Variants in PITPNC1 observed in about 807,000 individuals in gnomAD.
The protein encoded by PITPNC1 is cytoplasmic phosphatidylinositol transfer protein 1.
A neutral mutation model predicts 44.7 loss-of-function variants in PITPNC1; 18 were observed. The observed-to-expected ratio is 0.40, with a 90% CI of 0.28 to 0.60. The LOEUF (loss-of-function observed/expected upper bound fraction) is 0.60. Ranked by LOEUF, PITPNC1 falls within the 20% of genes least tolerant of loss-of-function variation. The pLI, the probability that PITPNC1 is intolerant of heterozygous loss-of-function variation, is 0.39. For missense variants in PITPNC1, 290 were observed against 418.4 expected, an observed-to-expected ratio of 0.69 and a Z score of 2.68; for synonymous variants, 141 against 149.6, an observed-to-expected ratio of 0.94 and a Z score of 0.42.
At chr17:67,471,249 A>C (rs1462614814) in intron 1 of PITPNC1, among the ~76,000 whole-genome samples, 3 of 150,850 alleles carry the variant, frequency 2.0e-5, no homozygotes, top group Non-Finnish European at 4.4e-5. Context: ...GTAAAAAAAA[A>C]AAAAAAAGAA....
At chr17:67,608,022 C>T (rs920574585) in intron 5 of PITPNC1, among the ~76,000 whole-genome samples, 2 of 151,922 alleles carry the variant, frequency 1.3e-5, no homozygotes, top group Non-Finnish European at 2.9e-5. Flanking sequence ...GAGCCACCGG[C>T]CCCGGCCTGA....
In PITPNC1 at chr17:67,636,935, G is replaced by A. The variant is rs369758044; in HGVS notation, c.462+4697G>A. On this transcript the variant is annotated intron_variant, in intron 6 of 8. Coordinates refer to ENST00000581322, the MANE Select transcript of PITPNC1 (RefSeq NM_012417.4). ...GTTCTTTGCTTGAAACCCCTCACTG[G>A]CCCTCCTTTAGAGTTCAGCTCACAC... is the stretch of plus-strand genomic sequence containing the variant. Among the ~76,000 whole-genome samples the A allele has an allele frequency of 2.1e-4, 32 of 152,144 alleles. No homozygotes were observed. The East Asian group carries it at 2.3e-3, about 11-fold the overall frequency.
At chr17:67,440,498 T>TTTTA (rs59003947) in intron 1 of PITPNC1, among the ~76,000 whole-genome samples, 1,799 of 137,620 alleles carry the variant, frequency 0.013, 17 homozygotes, top group South Asian at 0.026. Flanking sequence ...TTGCAAGACT[T>TTTTA]TTTATTTATT....
chr17:67,422,856 G>T (rs1441736898), intron 1 of PITPNC1, among the ~76,000 whole-genome samples: 1 of 152,134 alleles, frequency 6.6e-6, no homozygotes, highest in African/African-American at 2.4e-5. Context: ...CTCAAACAAT[G>T]TCTAGTTTGC....
At chr17:67,661,355 C>T (rs2144386472) in intron 6 of PITPNC1, among the ~76,000 whole-genome samples, 1 of 152,210 alleles carries the variant, frequency 6.6e-6, no homozygotes, top group East Asian at 1.9e-4. Context: ...TCTTTTCCTT[C>T]CCCCTTCCCA....
chr17:67,398,897 T>G (rs1480943541), intron 1 of PITPNC1, among the ~76,000 whole-genome samples: 2 of 152,078 alleles, frequency 1.3e-5, no homozygotes, highest in East Asian at 3.9e-4. Context: ...TCATGAGGCA[T>G]GCACTTATGA....
intron 1 of PITPNC1, among the ~76,000 whole-genome samples, chr17:67,467,347 C>T (rs2039443646): frequency 6.6e-6 from 1 of 152,144 alleles, no homozygotes; most frequent in Non-Finnish European, 1.5e-5. Context: ...AGCCACTGTG[C>T]CCCGCTGGAG....
chr17:67,675,802 TTC>T (rs2042590892), intron 8 of PITPNC1, among the ~76,000 whole-genome samples: 5 of 152,206 alleles, frequency 3.3e-5, no homozygotes, highest in Admixed American at 3.3e-4. Flanking sequence ...GGCTCCATCA[TTC>T]TCTGTTAGAT....
At chr17:67,620,286 G>A (rs369537789) in intron 5 of PITPNC1, among the ~76,000 whole-genome samples, 8 of 152,164 alleles carry the variant, frequency 5.3e-5, no homozygotes, top group African/African-American at 7.2e-5. Flanking sequence ...ACTGCTGCAC[G>A]TAAGCAATCC....
chr17:67,663,166 T>C (rs1201763209), intron 6 of PITPNC1, among the ~76,000 whole-genome samples: 1 of 152,210 alleles, frequency 6.6e-6, no homozygotes, highest in Non-Finnish European at 1.5e-5. Flanking sequence ...TGTATGGATA[T>C]AACACATGTT....
chr17:67,649,022 C>T (rs2042181312), intron 6 of PITPNC1, among the ~76,000 whole-genome samples: 1 of 152,180 alleles, frequency 6.6e-6, no homozygotes, highest in African/African-American at 2.4e-5. Flanking sequence ...GGCCCAGTGG[C>T]ACATGCCTGT....
chr17:67,636,238 C>T (rs773002575), intron 6 of PITPNC1, among the ~76,000 whole-genome samples: 14 of 144,608 alleles, frequency 9.7e-5, no homozygotes, highest in Non-Finnish European at 1.8e-4. Flanking sequence ...GCCGAGATTG[C>T]GCTACTGCAC....
intron 5 of PITPNC1, among the ~76,000 whole-genome samples, chr17:67,585,829 G>A (rs2041307478): frequency 6.6e-6 from 1 of 152,142 alleles, no homozygotes; most frequent in Admixed American, 6.5e-5. Context: ...AGACTCTTTG[G>A]GTGCAACACG....
At chr17:67,659,137 T>C (rs1598945010) in intron 6 of PITPNC1, among the ~76,000 whole-genome samples, 1 of 152,218 alleles carries the variant, frequency 6.6e-6, no homozygotes, top group Non-Finnish European at 1.5e-5. Context: ...TTCATTCTCT[T>C]CATCTTTGGT....
chr17:67,539,574 C>T (rs897988811), intron 2 of PITPNC1, among the ~76,000 whole-genome samples: 7 of 152,222 alleles, frequency 4.6e-5, no homozygotes, highest in Admixed American at 4.6e-4. Context: ...CACGATGGCT[C>T]ACGCCTGTAA....
chr17:67,554,490 T>G (rs983103507), intron 4 of PITPNC1, among the ~76,000 whole-genome samples: 2 of 152,138 alleles, frequency 1.3e-5, no homozygotes, highest in Non-Finnish European at 2.9e-5. Flanking sequence ...ACTCCTGACC[T>G]TAGGCGATCC....
chr17:67,630,185 T>C (rs1045671925), intron 5 of PITPNC1, among the ~76,000 whole-genome samples: 1 of 152,238 alleles, frequency 6.6e-6, no homozygotes, highest in African/African-American at 2.4e-5. Flanking sequence ...TCAACCACCC[T>C]GTTCTTCCAA....
At chr17:67,504,672 AT>A (rs1443358599) in intron 1 of PITPNC1, among the ~76,000 whole-genome samples, 4 of 152,088 alleles carry the variant, frequency 2.6e-5, no homozygotes, top group African/African-American at 9.7e-5. Context: ...AGTTTTGTCA[AT>A]TTTGTTGATC....
In PITPNC1 at chr17:67,484,483, C is replaced by G. The variant is rs561738536; in HGVS notation, c.49-48319C>G. 1.2e-3 allele frequency among the ~76,000 whole-genome samples: 183 copies of G among 152,326 alleles called. 1 individual carries two copies. The highest frequency in any genetic ancestry group is 3.4e-3 in the African/African-American group (143 of 41,578). On this transcript the variant is annotated intron_variant, in intron 1 of 8. Coordinates refer to ENST00000581322, the MANE Select transcript of PITPNC1 (RefSeq NM_012417.4). ...GCCACATAAGCTTGTATAATTCTCT[C>G]AGGGCTTCTGTCATTGTTAATTTAC...
Sources: gnomAD v4.1 joint callset for allele counts (sites outside exome capture counted in the v4.1 genomes callset) on GRCh38, gnomAD v4.1.1 for gene constraint, MANE v1.5 for transcripts, NCBI Gene and HGNC (gene_info 2026-07-23, HGNC 2026-07-21) for gene names.